Variants in UNC13C observed in about 807,000 individuals in gnomAD.
UNC13C encodes the protein unc-13 homolog C.
A neutral mutation model predicts 245.4 loss-of-function variants in UNC13C; 174 were observed. That is an observed-to-expected ratio of 0.71 (90% CI 0.63 to 0.80). The LOEUF (loss-of-function observed/expected upper bound fraction) is 0.80, where lower values mean the gene tolerates loss of function less well. Among genes scored for constraint, UNC13C ranks in the 30% least tolerant of loss-of-function variants. The pLI, the probability that UNC13C is intolerant of heterozygous loss-of-function variation, is 0.00. For synonymous variants in UNC13C, 992 were observed against 895.1 expected, an observed-to-expected ratio of 1.11 and a Z score of -1.93; for missense variants, 2,829 against 2,602.9, an observed-to-expected ratio of 1.09 and a Z score of -1.89.
chr15:54,460,674 C>G (rs1469267209), intron 19 of UNC13C, among the ~76,000 whole-genome samples: 1 of 152,228 alleles, frequency 6.6e-6, no homozygotes, highest in East Asian at 1.9e-4. Flanking sequence ...TTTGTCTTCA[C>G]AGTTTTCCAG....
intron 2 of UNC13C, among the ~76,000 whole-genome samples, chr15:54,083,008 A>T (rs775321390): frequency 6.6e-6 from 1 of 152,116 alleles, no homozygotes; most frequent in Non-Finnish European, 1.5e-5. Context: ...GACCCTCCGG[A>T]AGATTTTTAA....
At chr15:54,254,183 A>G (rs1328211336) in intron 8 of UNC13C, among the ~76,000 whole-genome samples, 1 of 152,200 alleles carries the variant, frequency 6.6e-6, no homozygotes, top group African/African-American at 2.4e-5. Context: ...TTGCCCTGTT[A>G]TCACATTTTG....
intron 1 of UNC13C, among the ~76,000 whole-genome samples, chr15:53,980,010 A>C (rs1217946410): frequency 6.6e-6 from 1 of 152,192 alleles, no homozygotes; most frequent in Non-Finnish European, 1.5e-5. Flanking sequence ...AATATTTAAT[A>C]GATTTTTAGT....
At chr15:54,126,420 A>G (rs1197442364) in intron 2 of UNC13C, among the ~76,000 whole-genome samples, 1 of 152,182 alleles carries the variant, frequency 6.6e-6, no homozygotes, top group Non-Finnish European at 1.5e-5. Context: ...TACTTAGAAG[A>G]CATCGCAACA....
At chr15:54,229,878 T>C (rs1331773645) in intron 4 of UNC13C, among the ~76,000 whole-genome samples, 2 of 152,192 alleles carry the variant, frequency 1.3e-5, no homozygotes, top group African/African-American at 4.8e-5. Context: ...CATGTGGTAT[T>C]TGTGTTTCTA....
chr15:54,234,988 C>T (rs753009208), intron 4 of UNC13C, 42 bp from the exon 5 acceptor site: 1 of 1,558,482 alleles, frequency 6.4e-7, no homozygotes, highest in South Asian at 1.1e-5. Context: ...TACAAGAAGT[C>T]ATTTTACCCA....
intron 4 of UNC13C, among the ~76,000 whole-genome samples, chr15:54,182,956 A>G (rs895011868): frequency 2.0e-5 from 3 of 152,114 alleles, no homozygotes; most frequent in Non-Finnish European, 4.4e-5. Context: ...TGTTTCATTC[A>G]TTGTTCAGGA....
At chr15:54,079,871 C>A (rs1305638585) in intron 2 of UNC13C, among the ~76,000 whole-genome samples, 1 of 152,016 alleles carries the variant, frequency 6.6e-6, no homozygotes, top group Non-Finnish European at 1.5e-5. Flanking sequence ...TTAGAGTAGA[C>A]ATCCTTGTCT....
At chr15:53,877,917 A>G in the UNC13C span, among the ~76,000 whole-genome samples, 1 of 152,174 alleles carries the variant, frequency 6.6e-6, no homozygotes, top group African/African-American at 2.4e-5. Flanking sequence ...CTTCATATAA[A>G]TGGAATCATA....
chr15:54,286,485 A>G (rs1223896672), intron 10 of UNC13C, among the ~76,000 whole-genome samples: 1 of 152,052 alleles, frequency 6.6e-6, no homozygotes, highest in African/African-American at 2.4e-5. Flanking sequence ...CTTGGGCAGG[A>G]ATTTGTTTTT....
chr15:54,553,083 A>ATTACAATATATAATATATATTGTATTCTG lies in UNC13C; in HGVS notation c.5878-2348_5878-2347insTACAATATATAATATATATTGTATTCTGT, dbSNP rs1566905728. On this transcript the variant is annotated intron_variant, in intron 28 of 32. Coordinates refer to ENST00000260323, the MANE Select transcript of UNC13C (RefSeq NM_001080534.3). ...CAATATATAATATATATTGTATTCT[A>ATTACAATATATAATATATATTGTATTCTG]TATTACAATATATAATATATATTGT... Among the ~76,000 whole-genome samples, 35 of 88,478 alleles carry ATTACAATATATAATATATATTGTATTCTG rather than the reference A, an allele frequency of 4.0e-4. No individual in the cohort carries two copies. In the East Asian group the frequency reaches 4.3e-3, roughly 11 times the overall value. 58.0% of individuals were successfully genotyped at this position (88,478 alleles called of 152,430 possible).
rs541277084 is a variant in UNC13C at position 54,044,558 on chromosome 15, G to A, written c.2983+28672G>A. 13 of 181,046 alleles carry A rather than the reference G, an allele frequency of 7.2e-5. 1 individual carries two copies. The highest frequency in any genetic ancestry group is 1.0e-3 in the Middle Eastern group (2 of 2,002). 11.2% of individuals were successfully genotyped at this position (181,046 alleles called of 1,614,324 possible). A position where few individuals can be genotyped will look rare whatever the true frequency, so the allele number is the denominator to read the frequency against. ...CAATCCCACCAGCAATGTGGCAGGC[G>A]GGGTGGGGGGTGTGGGGGAGTTCCA... is the stretch of plus-strand genomic sequence containing the variant. On this transcript the variant is annotated intron_variant, in intron 2 of 32. Transcript: ENST00000260323.
intron 19 of UNC13C, among the ~76,000 whole-genome samples, chr15:54,470,661 A>AT (rs1277198420): frequency 6.6e-6 from 1 of 150,868 alleles, no homozygotes; most frequent in African/African-American, 2.4e-5. Flanking sequence ...AAAAGCTAAG[A>AT]TTTTTTCAAT....
rs568108917 is a variant in UNC13C, at chr15:54,076,059, G to C, written c.2983+60173G>C. ...TCACCTCTTTCTGCTCCTTCACTTA[G>C]ATTCTTTTTTTTTTTTTTTCACTTT... On this transcript the variant is annotated intron_variant, in intron 2 of 32. Coordinates refer to ENST00000260323, the MANE Select transcript of UNC13C (RefSeq NM_001080534.3). Among the ~76,000 whole-genome samples, 24 of 66,210 alleles carry C rather than the reference G, an allele frequency of 3.6e-4. No individual in the cohort carries two copies. In the South Asian group the frequency reaches 5.4e-3, roughly 15 times the overall value. 43.4% of individuals were successfully genotyped at this position (66,210 alleles called of 152,430 possible). A position where few individuals can be genotyped will look rare whatever the true frequency, so the allele number is the denominator to read the frequency against.
At chr15:54,547,330 T>A (rs1307047720) in intron 27 of UNC13C, among the ~76,000 whole-genome samples, 1 of 152,154 alleles carries the variant, frequency 6.6e-6, no homozygotes, top group Non-Finnish European at 1.5e-5. Context: ...CTGAAAAATG[T>A]GATTGTATCA....
the UNC13C span, among the ~76,000 whole-genome samples, chr15:53,851,001 T>A: frequency 0.024 from 3,721 of 152,160 alleles, 138 homozygotes; most frequent in African/African-American, 0.086. Context: ...ATTTCAGAAA[T>A]TTTATTTTTA....
At chr15:54,304,053 A>AT (rs908631622) in intron 13 of UNC13C, among the ~76,000 whole-genome samples, 30 of 151,702 alleles carry the variant, frequency 2.0e-4, no homozygotes, top group South Asian at 1.5e-3. Context: ...AGGGGTTGGA[A>AT]TTTTTTTTTC....
intron 20 of UNC13C, among the ~76,000 whole-genome samples, chr15:54,496,140 A>G (rs1455467948): frequency 6.6e-6 from 1 of 152,108 alleles, no homozygotes; most frequent in African/African-American, 2.4e-5. Context: ...CCATTCCACA[A>G]TATATACATA....
downstream of UNC13C, chr15:54,630,315 A>G (rs984204635): frequency 1.3e-5 from 2 of 152,224 alleles, no homozygotes; most frequent in Admixed American, 6.5e-5. Flanking sequence ...AGGATAATTT[A>G]TAACTTGAAT....
Sources: allele counts gnomAD v4.1 joint callset (sites outside exome capture counted in the v4.1 genomes callset), GRCh38; gene constraint gnomAD v4.1.1; transcripts MANE v1.5; gene names NCBI Gene and HGNC (gene_info 2026-07-23, HGNC 2026-07-21).